BBOF1: variants seen among roughly 807,000 people sequenced by gnomAD.
The protein encoded by BBOF1 is basal body-orientation factor 1.
Under a neutral mutation model 68.0 loss-of-function variants are expected in BBOF1, and 62 were observed. The observed-to-expected ratio is 0.91, with a 90% CI of 0.74 to 1.13. BBOF1 has a LOEUF of 1.13. Among genes scored for constraint, BBOF1 ranks in the 50% most tolerant of loss-of-function variants. The probability of loss-of-function intolerance (pLI) is 0.00; values close to 1 mark genes in which losing one functional copy is unlikely to be tolerated. For synonymous variants in BBOF1, 208 were observed against 198.8 expected (o/e 1.05, Z -0.39); for missense variants, 534 against 600.1 (o/e 0.89, Z 1.15).
intron 5 of BBOF1, among the ~76,000 whole-genome samples, chr14:74,044,319 C>T (rs1320247033): frequency 6.6e-6 from 1 of 151,866 alleles, no homozygotes; most frequent in Non-Finnish European, 1.5e-5. Flanking sequence ...TACCTTATTA[C>T]CCCATTTATT....
rs540594959 is a variant in BBOF1 at position 74,050,535 on chromosome 14, A to G, written c.1286+340A>G. On this transcript the variant is annotated intron_variant, in intron 8 of 11. Transcript: ENST00000394009. ...GTTTCCCATAAATTGGACATTTGTT[A>G]TAAAAGCCTGATTAGATTCAGGTTA... Among the ~76,000 whole-genome samples the G allele has an allele frequency of 3.8e-4, 58 of 152,196 alleles. No individual in the cohort carries two copies. The South Asian group carries it at 0.012, about 31-fold the overall frequency.
intron 11 of BBOF1, chr14:74,060,617 G>A: frequency 6.8e-7 from 1 of 1,476,338 alleles, no homozygotes; most frequent in Non-Finnish European, 9.5e-7. Context: ...ACTCAGGATG[G>A]AGTCAGTCTT....
chr14:74,071,861 C>CT (rs758274605), intron 9 of BBOF1: 1 of 1,605,762 alleles, frequency 6.2e-7, no homozygotes, highest in Admixed American at 1.7e-5. Flanking sequence ...TCCTTTGGTC[C>CT]TTCCCAAAAG....
In BBOF1 at chr14:74,046,046, A is replaced by G; in HGVS notation, c.577-14A>G. On this transcript the variant is annotated splice_polypyrimidine_tract_variant and intron_variant, in intron 5 of 11. Coordinates refer to ENST00000394009, the MANE Select transcript of BBOF1 (RefSeq NM_025057.3). ...AGGGGCATAATTATTTAAGCAGCCC[A>G]TTTTCTTTTTTAGCACCGACTAGAA... The G allele has an allele frequency of 1.3e-6, 2 of 1,594,318 alleles. No homozygotes were observed. Among genetic ancestry groups the G allele is most frequent in the South Asian group, 2.3e-5 (2 of 87,058 alleles).
At chr14:74,023,570 C>T (rs1454018503) in intron 2 of BBOF1, among the ~76,000 whole-genome samples, 2 of 152,034 alleles carry the variant, frequency 1.3e-5, no homozygotes. Flanking sequence ...AATCTTGTAT[C>T]TTATTGTACC....
At chr14:74,051,451 T>C (rs1489084365) in intron 8 of BBOF1, among the ~76,000 whole-genome samples, 1 of 151,606 alleles carries the variant, frequency 6.6e-6, no homozygotes, top group Non-Finnish European at 1.5e-5. Context: ...CAATTATTTG[T>C]AACAATTCTT....
At chr14:74,054,285 C>A (rs960374820) in intron 8 of BBOF1, among the ~76,000 whole-genome samples, 1 of 152,102 alleles carries the variant, frequency 6.6e-6, no homozygotes, top group Non-Finnish European at 1.5e-5. Flanking sequence ...ACTGGGATTA[C>A]GGGTGTGAGC....
chr14:74,029,172 G>T lies in BBOF1; in HGVS notation c.286-12G>T. The stretch of plus-strand genomic sequence containing the variant: ...CTTTATCTTCATGACCCTGTATTTT[G>T]ATTTTCAACAGATTGAAAAACTGAA... On this transcript the variant is annotated splice_polypyrimidine_tract_variant and intron_variant, in intron 2 of 11. Transcript: ENST00000394009. 1.3e-6 allele frequency: 2 copies of T among 1,530,564 alleles called. No homozygotes were observed. The highest frequency in any genetic ancestry group is 2.4e-5 in the South Asian group (2 of 83,672). 94.8% of individuals were successfully genotyped at this position (1,530,564 alleles called of 1,614,324 possible).
chr14:74,060,565 G>C, intron 11 of BBOF1: 3 of 1,079,990 alleles, frequency 2.8e-6, no homozygotes, highest in Non-Finnish European at 4.3e-6. Context: ...TCTGATCTGA[G>C]CAAAGCTGAC....
chr14:74,022,522 C>G (rs74635757), intron 1 of BBOF1, among the ~76,000 whole-genome samples: 2 of 151,874 alleles, frequency 1.3e-5, no homozygotes, highest in Non-Finnish European at 2.9e-5. Flanking sequence ...CACTCCAGCC[C>G]GGTGACACAG....
intron 4 of BBOF1, among the ~76,000 whole-genome samples, chr14:74,035,584 A>ATTTTTTTTTTTTTTTTTTTTT (rs71460945): frequency 4.9e-5 from 4 of 81,392 alleles, no homozygotes; most frequent in African/African-American, 2.6e-4. Context: ...CCCCCAGCTA[A>ATTTTTTTTTTTTTTTTTTTTT]TTTTTTTTTT....
intron 7 of BBOF1, among the ~76,000 whole-genome samples, chr14:74,048,986 AC>A (rs1007256936): frequency 1.3e-5 from 2 of 152,008 alleles, no homozygotes; most frequent in African/African-American, 4.8e-5. Context: ...GATTCTCCTG[AC>A]CCAGCCTCCT....
intron 9 of BBOF1, among the ~76,000 whole-genome samples, chr14:74,077,554 G>C (rs1196239491): frequency 6.6e-6 from 1 of 152,062 alleles, no homozygotes; most frequent in Non-Finnish European, 1.5e-5. Flanking sequence ...CAAAACTGGG[G>C]GGGTATCCTG....
At chr14:74,050,470 GAT>G (rs575329904) in intron 8 of BBOF1, among the ~76,000 whole-genome samples, 152 of 152,180 alleles carry the variant, frequency 1.0e-3, no homozygotes, top group African/African-American at 3.3e-3. Context: ...TTTTATATAA[GAT>G]ATATAAGGTC....
chr14:74,029,310 A>C, intron 3 of BBOF1, 61 bp downstream of exon 3: 52 of 1,045,564 alleles, frequency 5.0e-5, no homozygotes, highest in Non-Finnish European at 7.0e-5. Context: ...TGGCAAGCTC[A>C]GGTATTTAAG....
At chr14:74,069,985 A>G (rs1420029282), downstream of BBOF1, among the ~76,000 whole-genome samples, 1 of 150,958 alleles carries the variant, frequency 6.6e-6, no homozygotes, top group Non-Finnish European at 1.5e-5. Context: ...CTACCTGCAC[A>G]TGCCACCATT....
chr14:74,078,897 T>A (rs1387670030), intron 10 of BBOF1, among the ~76,000 whole-genome samples: 2 of 151,758 alleles, frequency 1.3e-5, no homozygotes, highest in Non-Finnish European at 2.9e-5. Context: ...ACTCCTGACC[T>A]CAGGTGATCT....
intron 2 of BBOF1, among the ~76,000 whole-genome samples, chr14:74,028,849 C>G (rs1382738536): frequency 4.6e-5 from 7 of 152,004 alleles, no homozygotes; most frequent in Admixed American, 3.3e-4. Flanking sequence ...GCTGGGATTA[C>G]AGGCATGTGC....
intron 1 of BBOF1, among the ~76,000 whole-genome samples, chr14:74,020,610 TCTC>T (rs997124405): frequency 6.6e-6 from 1 of 152,074 alleles, no homozygotes; most frequent in Non-Finnish European, 1.5e-5. Context: ...TTCAACCAAT[TCTC>T]CTGCCTCAGC....
Sources: allele counts gnomAD v4.1 joint callset (sites outside exome capture counted in the v4.1 genomes callset), GRCh38; gene constraint gnomAD v4.1.1; transcripts MANE v1.5; gene names NCBI Gene and HGNC (gene_info 2026-07-23, HGNC 2026-07-21).